TLN2: variants seen among roughly 807,000 people sequenced by gnomAD.
TLN2 encodes talin-2.
Under a neutral mutation model 294.7 loss-of-function variants are expected in TLN2, and 118 were observed. The observed-to-expected ratio is 0.40, with a 90% CI of 0.34 to 0.47. The LOEUF (loss-of-function observed/expected upper bound fraction) is 0.47, where lower values mean the gene tolerates loss of function less well. TLN2 is among the 20% of genes least tolerant of loss of function. The pLI, the probability that TLN2 is intolerant of heterozygous loss-of-function variation, is 0.84. For missense variants in TLN2, 3,083 were observed against 3,282.2 expected (o/e 0.94, Z 1.48); for synonymous variants, 1,431 against 1,304.5 (o/e 1.10, Z -2.09).
At chr15:62,447,639 A>G (rs1440442123) in intron 1 of TLN2, among the ~76,000 whole-genome samples, 8 of 151,646 alleles carry the variant, frequency 5.3e-5, no homozygotes, top group Non-Finnish European at 1.0e-4. Context: ...GACTGTGGGC[A>G]CCCGCCACCA....
At chr15:62,452,748 AGAG>A (rs1435105360) in intron 1 of TLN2, among the ~76,000 whole-genome samples, 3 of 152,236 alleles carry the variant, frequency 2.0e-5, no homozygotes, top group Non-Finnish European at 4.4e-5. Flanking sequence ...CAATAAGTTA[AGAG>A]GAGAAGGGAC....
intron 1 of TLN2, among the ~76,000 whole-genome samples, chr15:62,577,635 G>A (rs918615681): frequency 6.6e-6 from 1 of 152,150 alleles, no homozygotes; most frequent in Admixed American, 6.5e-5. Context: ...GAAGCTGAGT[G>A]ATGAGTACAT....
intron 40 of TLN2, 31 bp downstream of exon 40, chr15:62,763,726 C>A: frequency 6.4e-7 from 1 of 1,571,442 alleles, no homozygotes; most frequent in South Asian, 1.2e-5. Flanking sequence ...CCTGCTTAGT[C>A]GCCTCTAGAT....
chr15:62,396,066 C>CT (rs35087769), intron 1 of TLN2, among the ~76,000 whole-genome samples: 50,042 of 151,840 alleles, frequency 0.33, 8,774 homozygotes, highest in East Asian at 0.62. Context: ...AACTTCTGAC[C>CT]CAAGTGATCC....
At chr15:62,833,477 T>A (rs370843475) in intron 54 of TLN2, 27 bp from the exon 55 acceptor site, 2 of 1,610,950 alleles carry the variant, frequency 1.2e-6, no homozygotes. Context: ...ATGAATTGAA[T>A]GTGATGCTGT....
In TLN2 at chr15:62,711,907, C is replaced by T. The variant is rs938010280; in HGVS notation, c.2468-4C>T. On this transcript the variant is annotated splice_polypyrimidine_tract_variant and splice_region_variant and intron_variant, in intron 21 of 58. Coordinates refer to ENST00000636159, the MANE Select transcript of TLN2 (RefSeq NM_015059.3). ...CAGACCTCATCCTCTATTCTGTCTT[C>T]TAGGTGAAATGGTGCGCCAGGCGCG... 5 of 1,605,128 alleles carry T rather than the reference C, an allele frequency of 3.1e-6. No homozygotes were observed. The highest frequency in any genetic ancestry group is 4.3e-6 in the Non-Finnish European group (5 of 1,172,908).
intron 2 of TLN2, among the ~76,000 whole-genome samples, chr15:62,600,580 C>A (rs2046911206): frequency 6.6e-6 from 1 of 152,180 alleles, no homozygotes; most frequent in African/African-American, 2.4e-5. Context: ...ATATTCCCTC[C>A]CACGGTCATG....
intron 1 of TLN2, among the ~76,000 whole-genome samples, chr15:62,530,183 T>G (rs1056571219): frequency 1.3e-5 from 2 of 152,300 alleles, no homozygotes; most frequent in East Asian, 3.9e-4. Flanking sequence ...AGAGCGAGAC[T>G]CTGTCTCAAA....
intron 35 of TLN2, among the ~76,000 whole-genome samples, chr15:62,753,213 T>C (rs1209231602): frequency 6.6e-6 from 1 of 152,210 alleles, no homozygotes; most frequent in Non-Finnish European, 1.5e-5. Flanking sequence ...TGTTGTTTCT[T>C]TTCTGGGCCA....
At chr15:62,773,224 T>A (rs2063467204) in intron 42 of TLN2, among the ~76,000 whole-genome samples, 1 of 128,880 alleles carries the variant, frequency 7.8e-6, no homozygotes, top group African/African-American at 2.9e-5. Flanking sequence ...TACCTGGGAT[T>A]ACAGGTGCAA....
At chr15:62,535,673 A>C (rs2041306918) in intron 1 of TLN2, among the ~76,000 whole-genome samples, 1 of 151,276 alleles carries the variant, frequency 6.6e-6, no homozygotes, top group Admixed American at 6.6e-5. Flanking sequence ...CTCCTGCCTC[A>C]GCCACTGGAG....
chr15:62,648,405 A>G (rs2052160773), intron 4 of TLN2, among the ~76,000 whole-genome samples: 1 of 21,130 alleles, frequency 4.7e-5, no homozygotes, highest in South Asian at 1.9e-3. Context: ...ACCCTGACTC[A>G]AAAAAAAAAA....
chr15:62,571,425 A>T (rs2043849981), intron 1 of TLN2, among the ~76,000 whole-genome samples: 4 of 152,326 alleles, frequency 2.6e-5, no homozygotes, highest in African/African-American at 9.6e-5. Context: ...TCTTTAGAAA[A>T]CTTAATAGAC....
At chr15:62,677,540 G>T (rs563330297) in intron 11 of TLN2, among the ~76,000 whole-genome samples, 1 of 152,002 alleles carries the variant, frequency 6.6e-6, no homozygotes, top group African/African-American at 2.4e-5. Context: ...AAGAAAAATC[G>T]GTCCATGGTC....
chr15:62,562,371 C>A (rs529303083), intron 1 of TLN2, among the ~76,000 whole-genome samples: 22 of 152,142 alleles, frequency 1.4e-4, no homozygotes, highest in Non-Finnish European at 2.8e-4. Flanking sequence ...TTGTGGCCCT[C>A]GTCCTTCACT....
chr15:62,727,311 A>T, intron 28 of TLN2, 122 bp downstream of exon 28: 1 of 857,058 alleles, frequency 1.2e-6, no homozygotes, highest in Non-Finnish European at 1.8e-6. Context: ...AGTTCACCGT[A>T]TATTTTTCAA....
At chr15:62,763,493 C>A in intron 39 of TLN2, 70 bp from the exon 40 acceptor site, 2 of 1,519,310 alleles carry the variant, frequency 1.3e-6, no homozygotes, top group South Asian at 1.3e-5. Flanking sequence ...TCCTGGCCCA[C>A]CAGTGCTGGA....
rs566589256 is a variant in TLN2, at chr15:62,744,157, C to A, written c.4025+3388C>A. The stretch of plus-strand genomic sequence containing the variant: ...ATTGCTTCAGTCTACATCGAGCCCT[C>A]CCTTTCAGGCAGACTCTGTGCCCGG... On this transcript the variant is annotated intron_variant, in intron 32 of 58. Transcript: ENST00000636159. 3.3e-5 allele frequency among the ~76,000 whole-genome samples: 5 copies of A among 152,288 alleles called. No homozygotes were observed. The South Asian group carries it at 1.0e-3, about 32-fold the overall frequency.
chr15:62,716,239 C>G, intron 22 of TLN2, 92 bp from the exon 23 acceptor site: 2 of 1,320,292 alleles, frequency 1.5e-6, no homozygotes, highest in South Asian at 4.7e-5. Flanking sequence ...CTTGCAAATG[C>G]TTTCTATTAC....
Sources: allele counts gnomAD v4.1 joint callset (sites outside exome capture counted in the v4.1 genomes callset), GRCh38; gene constraint gnomAD v4.1.1; transcripts MANE v1.5; gene names NCBI Gene and HGNC (gene_info 2026-07-23, HGNC 2026-07-21).